SLC5A12: variants seen among roughly 807,000 people sequenced by gnomAD.
The protein encoded by SLC5A12 is solute carrier family 5 member 12, also known as sodium-coupled monocarboxylate transporter 2.
SLC5A12 carries 46 observed loss-of-function variants against 72.7 expected under a neutral mutation model. The observed-to-expected ratio is 0.63, with a 90% CI of 0.50 to 0.81. The LOEUF is 0.81. Among genes scored for constraint, SLC5A12 ranks in the 30% least tolerant of loss-of-function variants. The probability of loss-of-function intolerance (pLI) is 0.00; values close to 1 mark genes in which losing one functional copy is unlikely to be tolerated. For missense variants in SLC5A12, 683 were observed against 740.7 expected (o/e 0.92, Z 0.90); for synonymous variants, 275 against 264.4 (o/e 1.04, Z -0.39).
chr11:26,697,221 G>T lies in SLC5A12; in HGVS notation c.983C>A (p.Ala328Asp). 1 of 1,613,644 alleles carries T rather than the reference G, an allele frequency of 6.2e-7. No homozygotes were observed. The highest frequency in any genetic ancestry group is 8.5e-7 in the Non-Finnish European group (1 of 1,179,854). ...AAGTCCTGGCAGTCCTGGCATTGTGGCAAATATCTCCATGACAAAGTACGG... is the reference window on the plus strand; with the variant it reads ...AAGTCCTGGCAGTCCTGGCATTGTGTCAAATATCTCCATGACAAAGTACGG... ...LMPYFVMEIFATMPGLPGLFV... is the reference protein window; with the variant it reads ...LMPYFVMEIFDTMPGLPGLFV... The change falls in exon 8 of 15, where the codon GCC becomes GAC. Residue 328 changes from alanine to aspartate, a missense_variant. Transcript: ENST00000396005.
Position 26,683,860 on chromosome 11 carries a change from G to T in SLC5A12, c.1222-17C>A. The T allele has an allele frequency of 6.3e-7, 1 of 1,575,576 alleles. No individual in the cohort carries two copies. The highest frequency in any genetic ancestry group is 1.2e-5 in the South Asian group (1 of 86,150). The stretch of plus-strand genomic sequence containing the variant: ...GAGGGAAGCCTGTGGAACAAAGGCA[G>T]ACCAGATGAATCCCCTACTCAAGGG... On this transcript the variant is annotated splice_polypyrimidine_tract_variant and intron_variant, in intron 10 of 14. Transcript: ENST00000396005.
chr11:26,692,105 A>G (rs1368670680), intron 9 of SLC5A12: 2 of 169,792 alleles, frequency 1.2e-5, no homozygotes, highest in Non-Finnish European at 2.5e-5. Context: ...ACAAACACTA[A>G]TGATAGCTGC....
At position 26,721,370 on chromosome 11, in the gene SLC5A12, T is replaced by A. The variant is rs1433862529; in HGVS notation, c.339+6A>T. ...AAATTAGAGAAGAATGGAGAAATCA[T>A]CTTACCTCATAAGTGCTGGTGATAC... is the stretch of plus-strand genomic sequence containing the variant. On this transcript the variant is annotated splice_donor_region_variant and intron_variant, in intron 1 of 14. Coordinates refer to ENST00000396005, the MANE Select transcript of SLC5A12 (RefSeq NM_178498.4). 6.3e-7 allele frequency: 1 copy of A among 1,577,992 alleles called. No homozygotes were observed. The highest frequency in any genetic ancestry group is 1.4e-5 in the African/African-American group (1 of 73,076).
Position 26,712,689 on chromosome 11 carries a change from G to T in SLC5A12, c.357C>A (p.Phe119Leu). The change falls in exon 2 of 15, where the codon TTC becomes TTA. Residue 119 changes from phenylalanine to leucine, a missense_variant. Physicochemically the swap from Phe to Leu is conservative, Grantham distance 22 (BLOSUM62 0). Transcript: ENST00000396005. ...TSTYEYLQLR[F>L]NKPVRYAATV... ...TGGCAGCATAGCGAACTGGTTTGTT[G>T]AATCGTAGTTGTAAGTACTAAAGGA... 3 of 1,589,808 alleles carry T rather than the reference G, an allele frequency of 1.9e-6. No homozygotes were observed. In the South Asian group the frequency reaches 3.4e-5, roughly 18 times the overall value.
chr11:26,712,403 C>T (rs1039885393), intron 2 of SLC5A12, among the ~76,000 whole-genome samples: 1 of 152,012 alleles, frequency 6.6e-6, no homozygotes, highest in African/African-American at 2.4e-5. Flanking sequence ...CAGTGAAATA[C>T]GTGTTAAGAA....
At chr11:26,678,549 A>G (rs1372422065) in intron 13 of SLC5A12, among the ~76,000 whole-genome samples, 163 bp downstream of exon 13, 5 of 152,052 alleles carry the variant, frequency 3.3e-5, no homozygotes, top group Non-Finnish European at 5.9e-5. Flanking sequence ...TATAATAATG[A>G]AGGGTGCCTT....
rs1854127716 is a variant in SLC5A12, at chr11:26,671,055, G to A, written c.*47C>T. The A allele has an allele frequency of 6.5e-7, 1 of 1,534,168 alleles. No individual in the cohort carries two copies. Among genetic ancestry groups the A allele is most frequent in the Non-Finnish European group, 8.9e-7 (1 of 1,125,590 alleles). On this transcript the variant is annotated 3_prime_UTR_variant, in exon 15 of 15. Transcript: ENST00000396005. Reference sequence around the variant, plus strand: ...CAAGAAGTATGTGGAGTTTGTGTGTGTGTGTGTGTATTGCACGTGTGTGTG... The same window carrying A: ...CAAGAAGTATGTGGAGTTTGTGTGTATGTGTGTGTATTGCACGTGTGTGTG...
chr11:26,678,878 A>G, intron 12 of SLC5A12, 63 bp from the exon 13 acceptor site: 3 of 1,092,584 alleles, frequency 2.7e-6, no homozygotes, highest in Non-Finnish European at 4.0e-6. Context: ...GATGTAGAGG[A>G]CTGCTCAGGA....
chr11:26,679,302 C>G (rs1854336633), intron 12 of SLC5A12, among the ~76,000 whole-genome samples: 1 of 152,000 alleles, frequency 6.6e-6, no homozygotes, highest in Non-Finnish European at 1.5e-5. Context: ...GATGATACCT[C>G]AGCTCATTTT....
At chr11:26,686,322 A>G (rs1290721202) in intron 10 of SLC5A12, among the ~76,000 whole-genome samples, 155 bp downstream of exon 10, 1 of 151,958 alleles carries the variant, frequency 6.6e-6, no homozygotes, top group Non-Finnish European at 1.5e-5. Context: ...TGCTGACTAG[A>G]GAATTGATTT....
intron 9 of SLC5A12, among the ~76,000 whole-genome samples, chr11:26,687,567 T>G (rs955685654): frequency 3.3e-5 from 5 of 152,212 alleles, no homozygotes; most frequent in Admixed American, 1.3e-4. Context: ...AAGAAACTGC[T>G]TGCAAATTAA....
chr11:26,685,740 G>A (rs906914686), intron 10 of SLC5A12, among the ~76,000 whole-genome samples: 1 of 152,166 alleles, frequency 6.6e-6, no homozygotes, highest in African/African-American at 2.4e-5. Context: ...ATGGGGATGG[G>A]TGGCTCAGGA....
intron 8 of SLC5A12, among the ~76,000 whole-genome samples, chr11:26,694,170 G>A (rs917060186): frequency 2.0e-5 from 3 of 152,088 alleles, no homozygotes; most frequent in Non-Finnish European, 4.4e-5. Context: ...CTACAAGATA[G>A]TGGAAATATT....
At chr11:26,693,670 T>C (rs1854737942) in intron 8 of SLC5A12, among the ~76,000 whole-genome samples, 1 of 152,170 alleles carries the variant, frequency 6.6e-6, no homozygotes. Context: ...AACAGGCCAA[T>C]GAACAAAAGA....
At chr11:26,671,310 C>A (rs1445842004) in intron 14 of SLC5A12, 59 bp from the exon 15 acceptor site, 1 of 1,452,382 alleles carries the variant, frequency 6.9e-7, no homozygotes, top group Non-Finnish European at 9.2e-7. Flanking sequence ...CCAAATTAAC[C>A]TGAGAGAATC....
Position 26,673,463 on chromosome 11 carries a change from C to A in SLC5A12, c.1646G>T (p.Trp549Leu). 2.5e-6 allele frequency: 4 copies of A among 1,611,672 alleles called. No homozygotes were observed. Among genetic ancestry groups the A allele is most frequent in the Non-Finnish European group, 3.4e-6 (4 of 1,178,852 alleles). Residue 549 changes from tryptophan to leucine, a missense_variant, in exon 14 of 15, where the codon TGG (tryptophan) becomes TTG (leucine). Coordinates refer to ENST00000396005, the MANE Select transcript of SLC5A12 (RefSeq NM_178498.4). The stretch of plus-strand genomic sequence containing the variant: ...GCATAGTGTTTTGTACTTCTTAGAC[C>A]AAAAGCAAAATAAATTACAAACTGG... ...IRPVCNLFCF[W>L]SKKYKTLCWC...
At chr11:26,714,772 A>C (rs1294621706) in intron 1 of SLC5A12, among the ~76,000 whole-genome samples, 1 of 152,112 alleles carries the variant, frequency 6.6e-6, no homozygotes, top group African/African-American at 2.4e-5. Flanking sequence ...CTTTGAAGCA[A>C]AGGACATCTC....
At chr11:26,717,814 G>C (rs960190477) in intron 1 of SLC5A12, among the ~76,000 whole-genome samples, 2 of 152,168 alleles carry the variant, frequency 1.3e-5, no homozygotes, top group Non-Finnish European at 2.9e-5. Flanking sequence ...TCACAGGTCT[G>C]GTAACTTGTA....
chr11:26,722,434 C>G (rs967117515), upstream of SLC5A12, among the ~76,000 whole-genome samples: 4 of 152,172 alleles, frequency 2.6e-5, no homozygotes, highest in African/African-American at 9.7e-5. Flanking sequence ...TCTTTAAAGA[C>G]TTAAGTCTTA....
Sources: allele counts gnomAD v4.1 joint callset (sites outside exome capture counted in the v4.1 genomes callset), GRCh38; gene constraint gnomAD v4.1.1; transcripts MANE v1.5; gene names NCBI Gene and HGNC (gene_info 2026-07-23, HGNC 2026-07-21).